ZNF483: variants seen among roughly 807,000 people sequenced by gnomAD.
The protein encoded by ZNF483 is zinc finger protein 483.
In ZNF483, 9 loss-of-function variants were observed where a neutral mutation model predicts 28.6. The observed-to-expected ratio is 0.32, with a 90% confidence interval of 0.19 to 0.55. The LOEUF is 0.55. Ranked by LOEUF, ZNF483 falls within the 20% of genes least tolerant of loss-of-function variation. ZNF483 has a pLI of 0.93. For synonymous variants in ZNF483, 322 were observed against 306.2 expected (o/e 1.05, Z -0.54); for missense variants, 675 against 871.7 (o/e 0.77, Z 2.84).
At chr9:111,574,508 C>G (rs1828970158) in intron 5 of ZNF483, 1 of 292,312 alleles carries the variant, frequency 3.4e-6, no homozygotes. Context: ...ACCACCACAC[C>G]CAGCTTATTT....
In ZNF483 at chr9:111,525,998, C is replaced by G. The variant is rs557567590; in HGVS notation, c.-129+736C>G. 9.2e-5 allele frequency among the ~76,000 whole-genome samples: 14 copies of G among 152,254 alleles called. No individual in the cohort carries two copies. The South Asian group carries it at 2.9e-3, about 32-fold the overall frequency. On this transcript the variant is annotated intron_variant, in intron 1 of 5. Transcript: ENST00000309235. ...TGTGAGCGTGAGGACCCTTTCAGGCCTGTCCACGCCTGGCCCCGCAGCTCA... is the reference window on the plus strand; with the variant it reads ...TGTGAGCGTGAGGACCCTTTCAGGCGTGTCCACGCCTGGCCCCGCAGCTCA...
At chr9:111,569,989 A>C (rs1215806417) in intron 5 of ZNF483, 1 of 1,555,314 alleles carries the variant, frequency 6.4e-7, no homozygotes, top group Non-Finnish European at 8.7e-7. Flanking sequence ...AAAACTGACG[A>C]TGCGGCAGAG....
intron 2 of ZNF483, chr9:111,528,009 A>G (rs1230003901): frequency 6.8e-7 from 1 of 1,463,656 alleles, no homozygotes; most frequent in Non-Finnish European, 9.0e-7. Flanking sequence ...TATCTGTTAA[A>G]AAGGGATTTT....
At chr9:111,540,219 A>T (rs1041262734) in intron 5 of ZNF483, among the ~76,000 whole-genome samples, 10 of 152,224 alleles carry the variant, frequency 6.6e-5, no homozygotes, top group African/African-American at 2.4e-4. Flanking sequence ...AAGTGAAAAG[A>T]ATAACAATAC....
chr9:111,562,911 GAACA>G, intron 5 of ZNF483: 1 of 1,341,144 alleles, frequency 7.5e-7, no homozygotes, highest in Non-Finnish European at 9.6e-7. Flanking sequence ...AAGCTGTAGT[GAACA>G]GTGAGGTGAC....
At chr9:111,567,958 T>G (rs1412881036) in intron 5 of ZNF483, among the ~76,000 whole-genome samples, 7 of 152,216 alleles carry the variant, frequency 4.6e-5, no homozygotes, top group Non-Finnish European at 1.0e-4. Flanking sequence ...AATCTCTTAA[T>G]CCTGTTATCT....
At chr9:111,562,974 C>A in intron 5 of ZNF483, 1 of 1,413,152 alleles carries the variant, frequency 7.1e-7, no homozygotes, top group Non-Finnish European at 9.2e-7. Context: ...TAATTACATA[C>A]CACTTAAATG....
chr9:111,527,511 C>A lies in ZNF483; in HGVS notation c.116C>A (p.Ala39Asp). 6.2e-7 allele frequency: 1 copy of A among 1,614,196 alleles called. No individual in the cohort carries two copies. Among genetic ancestry groups the A allele is most frequent in the Non-Finnish European group, 8.5e-7 (1 of 1,180,036 alleles). The change falls in exon 2 of 6, where the codon GCT becomes GAT. Residue 39 changes from alanine (A) to aspartate (D), a missense_variant. Physicochemically the swap from Ala to Asp is moderately radical, Grantham distance 126. Transcript: ENST00000309235. The part of the protein sequence containing the change: ...PRVVTSGEQE[A>D]ILRGNAADAE... ...GTGGTTACTTCTGGGGAACAAGAAG[C>A]TATTTTAAGAGGAAATGCTGCTGAT...
At position 111,550,706 on chromosome 9, in the gene ZNF483, T is replaced by C. The variant is rs1827915719; in HGVS notation, c.*7536T>C. Among the ~76,000 whole-genome samples, 1 of 152,250 alleles carries C rather than the reference T, an allele frequency of 6.6e-6. No homozygotes were observed. Reference sequence around the variant, plus strand: ...TGCTTTCTTGAAGATTTCTTCAACTTTATCTTCCAGCTCTACTATTAAATG... The same window carrying C: ...TGCTTTCTTGAAGATTTCTTCAACTCTATCTTCCAGCTCTACTATTAAATG... On this transcript the variant is annotated 3_prime_UTR_variant, in exon 6 of 6. Transcript: ENST00000309235.
intron 1 of ZNF483, among the ~76,000 whole-genome samples, chr9:111,525,820 C>T (rs550987682): frequency 2.0e-5 from 3 of 152,036 alleles, no homozygotes; most frequent in African/African-American, 7.2e-5. Flanking sequence ...TAATATTTGG[C>T]AGAGGAATAA....
At position 111,541,674 on chromosome 9, in the gene ZNF483, A is replaced by G. The variant is rs147684709; in HGVS notation, c.739A>G (p.Lys247Glu). The G allele has an allele frequency of 2.9e-5, 47 of 1,601,428 alleles. No individual in the cohort carries two copies. The African/African-American group carries it at 5.9e-4, about 20-fold the overall frequency. ...SSRLDESALD[K>E]IIERCLRDDD... ...TCTTTTAGATGAATCAGCTTTAGATAAAATAATAGAAAGGTGCCTCAGGGA... is the reference window on the plus strand; with the variant it reads ...TCTTTTAGATGAATCAGCTTTAGATGAAATAATAGAAAGGTGCCTCAGGGA... Residue 247 changes from lysine (K) to glutamate (E), a missense_variant, in exon 6 of 6, where the codon AAA (lysine) becomes GAA (glutamate). By Grantham distance (56) the Lys-to-Glu change is moderately conservative (BLOSUM62 1). Transcript: ENST00000309235.
At position 111,549,937 on chromosome 9, in the gene ZNF483, C is replaced by G. The variant is rs569543463; in HGVS notation, c.*6767C>G. 1.7e-6 allele frequency: 1 copy of G among 587,044 alleles called. No homozygotes were observed. Among genetic ancestry groups the G allele is most frequent in the African/African-American group, 1.9e-5 (1 of 51,604 alleles). 36.4% of individuals were successfully genotyped at this position (587,044 alleles called of 1,614,324 possible). Reference sequence around the variant, plus strand: ...ATTTTGTGCCTTTGAATGGTCAATACTTGTTTCTTTGTATGCATCGTGATT... The same window carrying G: ...ATTTTGTGCCTTTGAATGGTCAATAGTTGTTTCTTTGTATGCATCGTGATT... On this transcript the variant is annotated 3_prime_UTR_variant, in exon 6 of 6. Coordinates refer to ENST00000309235, the MANE Select transcript of ZNF483 (RefSeq NM_133464.5).
In ZNF483 at chr9:111,552,444, G is replaced by A. The variant is rs1827996701; in HGVS notation, c.*9274G>A. Among the ~76,000 whole-genome samples, 1 of 152,160 alleles carries A rather than the reference G, an allele frequency of 6.6e-6. No individual in the cohort carries two copies. The highest frequency in any genetic ancestry group is 6.5e-5 in the Admixed American group (1 of 15,278). On this transcript the variant is annotated 3_prime_UTR_variant, in exon 6 of 6. Transcript: ENST00000309235. The stretch of plus-strand genomic sequence containing the variant: ...AGTATGTATCATGCAATAGAATAGA[G>A]CAATGAGGGAAAAGTTATCCTCTTG...
intron 3 of ZNF483, among the ~76,000 whole-genome samples, chr9:111,531,764 C>T (rs1173226049): frequency 6.6e-6 from 1 of 152,170 alleles, no homozygotes; most frequent in Non-Finnish European, 1.5e-5. Context: ...TCACTGCAAC[C>T]TTGAAGTCCT....
chr9:111,543,765 C>CTTTTT lies in ZNF483; in HGVS notation c.*601_*605dup, dbSNP rs143231263. On this transcript the variant is annotated 3_prime_UTR_variant, in exon 6 of 6. Coordinates refer to ENST00000309235, the MANE Select transcript of ZNF483 (RefSeq NM_133464.5). ...CTATTCAGGATGCTGGACTTCTTTT[C>CTTTTT]TTTTTTTTTTCTTTTTTTTTTTTCA... 5.5e-6 allele frequency: 4 copies of CTTTTT among 733,498 alleles called. No individual in the cohort carries two copies. Among genetic ancestry groups the CTTTTT allele is most frequent in the African/African-American group, 2.1e-5 (1 of 48,528 alleles). 45.4% of individuals were successfully genotyped at this position (733,498 alleles called of 1,614,324 possible).
In ZNF483 at chr9:111,552,673, T is replaced by C. The variant is rs1443727298; in HGVS notation, c.*9503T>C. ...GAATCGACATTGTAAATTTGGAGGT[T>C]CTTTGAGACAGAATATACCCAGAGT... is the stretch of plus-strand genomic sequence containing the variant. On this transcript the variant is annotated 3_prime_UTR_variant, in exon 6 of 6. Coordinates refer to ENST00000309235, the MANE Select transcript of ZNF483 (RefSeq NM_133464.5). 1.3e-5 allele frequency among the ~76,000 whole-genome samples: 2 copies of C among 152,194 alleles called. No homozygotes were observed. Among genetic ancestry groups the C allele is most frequent in the African/African-American group, 4.8e-5 (2 of 41,460 alleles).
chr9:111,529,586 G>GAATA (rs1176797113), intron 2 of ZNF483, among the ~76,000 whole-genome samples: 1 of 152,200 alleles, frequency 6.6e-6, no homozygotes, highest in Admixed American at 6.5e-5. Context: ...GGACTATGAA[G>GAATA]AATACACAGT....
At chr9:111,530,798 T>TATATATAC (rs1554811937) in intron 2 of ZNF483, 77 bp from the exon 3 acceptor site, 12 of 55,036 alleles carry the variant, frequency 2.2e-4, no homozygotes, top group African/African-American at 1.1e-3. Flanking sequence ...TATATATATA[T>TATATATAC]ATACATATAT....
rs770950126 is a variant in ZNF483, at chr9:111,542,305, A to T, written c.1370A>T (p.His457Leu). ...GGCTATAGCGCCTCACTCACCAAAC[A>T]TCGGAGAATTCACACTGGAGAAAAA... ...AFGYSASLTK[H>L]RRIHTGEKPY... Residue 457 changes from histidine to leucine, a missense_variant, in exon 6 of 6, where the codon CAT (histidine) becomes CTT (leucine). His to Leu is a moderately conservative substitution (Grantham distance 99). Transcript: ENST00000309235. The surrounding 1 kb of genome is among the most constrained non-coding windows in gnomAD (Gnocchi z 6.2). 2 of 1,614,084 alleles carry T rather than the reference A, an allele frequency of 1.2e-6. No individual in the cohort carries two copies. Among genetic ancestry groups the T allele is most frequent in the African/African-American group, 1.3e-5 (1 of 74,952 alleles).
Sources: allele counts gnomAD v4.1 joint callset (sites outside exome capture counted in the v4.1 genomes callset), GRCh38; gene constraint gnomAD v4.1.1; non-coding constraint Gnocchi (gnomAD v3.1); transcripts MANE v1.5; gene names NCBI Gene and HGNC (gene_info 2026-07-23, HGNC 2026-07-21).